The following CFDP1 variants were observed in gnomAD, a reference collection of about 807,000 sequenced individuals.
CFDP1 encodes the protein heterochromatin-stabilizing protein CFDP1.
In CFDP1, 31 loss-of-function variants were observed where a neutral mutation model predicts 40.1. The ratio of observed to expected loss-of-function variants is 0.77; its 90% CI spans 0.58 to 1.04. CFDP1 has a LOEUF of 1.04. CFDP1 is among the 50% of genes least tolerant of loss of function. The pLI, the probability that CFDP1 is intolerant of heterozygous loss-of-function variation, is 0.00. For missense variants in CFDP1, 423 were observed against 343.4 expected, an observed-to-expected ratio of 1.23 and a Z score of -1.83; for synonymous variants, 167 against 120.0, an observed-to-expected ratio of 1.39 and a Z score of -2.56.
intron 5 of CFDP1, among the ~76,000 whole-genome samples, chr16:75,308,961 C>G (rs2078276037): frequency 6.6e-6 from 1 of 152,230 alleles, no homozygotes; most frequent in Admixed American, 6.5e-5. Context: ...TTGGGGAAGG[C>G]TTCCAACTCT....
At chr16:75,323,179 G>A (rs1297370351) in intron 5 of CFDP1, among the ~76,000 whole-genome samples, 1 of 151,238 alleles carries the variant, frequency 6.6e-6, no homozygotes, top group Non-Finnish European at 1.5e-5. Flanking sequence ...GTTTCTGTAA[G>A]GTTTTTTTCT....
At chr16:75,379,885 C>G (rs2078838913) in intron 5 of CFDP1, 1 of 152,112 alleles carries the variant, frequency 6.6e-6, no homozygotes, top group Non-Finnish European at 1.5e-5. Flanking sequence ...TGCCTGTAAT[C>G]TAAGCACTTT....
intron 5 of CFDP1, among the ~76,000 whole-genome samples, chr16:75,363,866 C>T (rs989798910): frequency 4.0e-5 from 6 of 151,582 alleles, no homozygotes; most frequent in Admixed American, 3.3e-4. Flanking sequence ...AAGTACTGAA[C>T]TGAGACAAGC....
At chr16:75,412,859 A>C in intron 2 of CFDP1, 105 bp from the exon 3 acceptor site, 2 of 823,880 alleles carry the variant, frequency 2.4e-6, no homozygotes, top group South Asian at 1.6e-5. Context: ...AACACTTTAA[A>C]TTCTGGGACT....
intron 5 of CFDP1, among the ~76,000 whole-genome samples, chr16:75,351,371 A>G (rs983420908): frequency 1.3e-5 from 2 of 152,264 alleles, no homozygotes; most frequent in African/African-American, 4.8e-5. Context: ...CAGGGCTTCC[A>G]GATTAGATGA....
chr16:75,355,676 G>C (rs1298501089), intron 5 of CFDP1, among the ~76,000 whole-genome samples: 2 of 152,106 alleles, frequency 1.3e-5, no homozygotes, highest in African/African-American at 4.8e-5. Context: ...CTGAATCATG[G>C]GGGCAGTTCC....
At chr16:75,361,211 A>T (rs1357685871) in intron 5 of CFDP1, among the ~76,000 whole-genome samples, 1 of 152,090 alleles carries the variant, frequency 6.6e-6, no homozygotes, top group Non-Finnish European at 1.5e-5. Flanking sequence ...GGGTTTTGCC[A>T]TGTTGGCCAG....
chr16:75,389,256 T>C (rs1046932293), intron 5 of CFDP1, among the ~76,000 whole-genome samples: 2 of 151,690 alleles, frequency 1.3e-5, no homozygotes, highest in Admixed American at 6.6e-5. Context: ...GACTGGGGAG[T>C]GAGGGAAGAG....
At chr16:75,371,012 T>C (rs1660402588) in intron 5 of CFDP1, among the ~76,000 whole-genome samples, 2 of 152,226 alleles carry the variant, frequency 1.3e-5, no homozygotes, top group Non-Finnish European at 2.9e-5. Flanking sequence ...TATGAGCATA[T>C]ACTGTGCCAA....
intron 4 of CFDP1, among the ~76,000 whole-genome samples, chr16:75,410,055 C>CAAAAAAAAAAAAAAAAAAAAA (rs150987819): frequency 1.9e-5 from 1 of 52,534 alleles, no homozygotes. Context: ...GACCCTTTCT[C>CAAAAAAAAAAAAAAAAAAAAA]AAAAAAAAAA....
chr16:75,423,518 T>A (rs1371077959), intron 1 of CFDP1, among the ~76,000 whole-genome samples: 2 of 151,664 alleles, frequency 1.3e-5, no homozygotes, highest in Non-Finnish European at 1.5e-5. Context: ...CGAGGTTGGT[T>A]TTTTTTTGTT....
chr16:75,298,707 C>T (rs2078201445), intron 6 of CFDP1, among the ~76,000 whole-genome samples: 1 of 152,194 alleles, frequency 6.6e-6, no homozygotes, highest in African/African-American at 2.4e-5. Context: ...CACCTCCCGC[C>T]TTCAGGAGGA....
intron 4 of CFDP1, among the ~76,000 whole-genome samples, chr16:75,397,347 T>C (rs1453246393): frequency 6.6e-6 from 1 of 150,682 alleles, no homozygotes; most frequent in Non-Finnish European, 1.5e-5. Flanking sequence ...AAACCCCATC[T>C]CTACTAAAAA....
At chr16:75,382,462 G>A (rs1222098063) in intron 5 of CFDP1, among the ~76,000 whole-genome samples, 1 of 152,174 alleles carries the variant, frequency 6.6e-6, no homozygotes, top group Admixed American at 6.5e-5. Context: ...AGGCTTGCAG[G>A]ATACTGTGAA....
At chr16:75,379,432 T>C (rs1247985160) in intron 5 of CFDP1, among the ~76,000 whole-genome samples, 2 of 152,044 alleles carry the variant, frequency 1.3e-5, no homozygotes, top group African/African-American at 4.8e-5. Flanking sequence ...AAGAGAATAT[T>C]ATGCAGAATT....
intron 5 of CFDP1, among the ~76,000 whole-genome samples, chr16:75,337,018 G>C (rs924984152): frequency 6.6e-6 from 1 of 152,180 alleles, no homozygotes. Context: ...GTTGCAAATA[G>C]TTTTCTCCTG....
intron 5 of CFDP1, among the ~76,000 whole-genome samples, chr16:75,324,042 T>C (rs909033443): frequency 6.6e-6 from 1 of 152,210 alleles, no homozygotes; most frequent in African/African-American, 2.4e-5. Flanking sequence ...TCAGCCCTTA[T>C]CGTTGAGTGC....
chr16:75,413,047 C>A (rs2079176469), intron 2 of CFDP1, among the ~76,000 whole-genome samples: 1 of 151,940 alleles, frequency 6.6e-6, no homozygotes, highest in South Asian at 2.1e-4. Flanking sequence ...AAGAAAACAT[C>A]CAAATCACCT....
intron 5 of CFDP1, among the ~76,000 whole-genome samples, chr16:75,383,047 T>C (rs1199281175): frequency 6.6e-6 from 1 of 152,248 alleles, no homozygotes; most frequent in Non-Finnish European, 1.5e-5. Context: ...CCAGAATTAC[T>C]AGGTCTAAAG....
Sources: allele counts gnomAD v4.1 joint callset (sites outside exome capture counted in the v4.1 genomes callset), GRCh38; gene constraint gnomAD v4.1.1; transcripts MANE v1.5; gene names NCBI Gene and HGNC (gene_info 2026-07-23, HGNC 2026-07-21).